Variants in CLECL1 observed in about 807,000 individuals in gnomAD.
CLECL1 encodes the protein C-type lectin-like domain family 1.
chr12:9,718,820 C>G, downstream of CLECL1: 1 of 687,162 alleles, frequency 1.5e-6, no homozygotes, highest in Non-Finnish European at 2.6e-6. Context: ...AACCTGCCAA[C>G]AACCTTGATC....
the CLECL1 span, among the ~76,000 whole-genome samples, chr12:9,703,905 C>A: frequency 1.4e-4 from 21 of 151,952 alleles, no homozygotes; most frequent in Non-Finnish European, 2.8e-4. Flanking sequence ...ACAGTGGAGA[C>A]CTCAACATAT....
chr12:9,716,521 T>C (rs1866240872), exon 3 of CLECL1: 2 of 225,708 alleles, frequency 8.9e-6, no homozygotes, highest in Non-Finnish European at 1.8e-5. Context: ...ATAATTCTAT[T>C]GATTGGTCTT....
At chr12:9,733,671 A>T (rs1866482062), upstream of CLECL1, among the ~76,000 whole-genome samples, 1 of 152,218 alleles carries the variant, frequency 6.6e-6, no homozygotes, top group African/African-American at 2.4e-5. Context: ...ATATTTAAGA[A>T]ACAGAAATAA....
the CLECL1 span, among the ~76,000 whole-genome samples, chr12:9,703,511 C>T: frequency 6.6e-6 from 1 of 152,058 alleles, no homozygotes; most frequent in African/African-American, 2.4e-5. Context: ...CCTCTCACAT[C>T]AGCCTCCCAA....
chr12:9,722,493 C>T (rs1866325492), downstream of CLECL1: 22 of 1,313,858 alleles, frequency 1.7e-5, no homozygotes, highest in Non-Finnish European at 2.1e-5. Flanking sequence ...CAAAGGTAAT[C>T]ATGTAATTCA....
downstream of CLECL1, among the ~76,000 whole-genome samples, chr12:9,719,386 C>T (rs886338341): frequency 2.0e-5 from 3 of 152,064 alleles, no homozygotes; most frequent in South Asian, 2.1e-4. Flanking sequence ...ATTAGCTGGG[C>T]GTGGTGGCGG....
At chr12:9,734,054 G>A (rs1251159928), upstream of CLECL1, among the ~76,000 whole-genome samples, 1 of 152,212 alleles carries the variant, frequency 6.6e-6, no homozygotes, top group Non-Finnish European at 1.5e-5. Context: ...TGTCAGATAT[G>A]AAAAATGGCA....
downstream of CLECL1, among the ~76,000 whole-genome samples, chr12:9,713,695 A>G (rs2121033683): frequency 6.6e-6 from 1 of 152,348 alleles, no homozygotes; most frequent in South Asian, 2.1e-4. Flanking sequence ...ATAGTGATTT[A>G]TATAGTATGC....
intron 2 of CLECL1, chr12:9,716,805 G>A: frequency 8.1e-7 from 1 of 1,234,262 alleles, no homozygotes; most frequent in South Asian, 1.3e-5. Context: ...AGAAAATAAT[G>A]AGATATCATT....
chr12:9,704,034 G>A, the CLECL1 span: 1 of 151,996 alleles, frequency 6.6e-6, no homozygotes, highest in South Asian at 2.1e-4. Flanking sequence ...GTTGAAAGAA[G>A]GAGCTAGAAA....
chr12:9,720,132 C>A (rs572733414), downstream of CLECL1, among the ~76,000 whole-genome samples: 1 of 152,082 alleles, frequency 6.6e-6, no homozygotes, highest in African/African-American at 2.4e-5. Flanking sequence ...TGGATATAGT[C>A]GTTGGTCCAG....
At chr12:9,723,054 A>G (rs1866333912) in intron 3 of CLECL1, among the ~76,000 whole-genome samples, 2 of 152,220 alleles carry the variant, frequency 1.3e-5, no homozygotes, top group South Asian at 2.1e-4. Context: ...AAAATATATC[A>G]TGTTTTCTAT....
upstream of CLECL1, chr12:9,733,441 T>G (rs1245373587): frequency 9.0e-6 from 5 of 553,822 alleles, no homozygotes; most frequent in African/African-American, 1.9e-5. Context: ...CAAAGTAGGA[T>G]AGCTATTTGG....
downstream of CLECL1, among the ~76,000 whole-genome samples, chr12:9,717,750 C>G (rs2121040040): frequency 6.6e-6 from 1 of 152,228 alleles, no homozygotes; most frequent in South Asian, 2.1e-4. Context: ...ATCTATATAT[C>G]TCTCCTTTGA....
intron 3 of CLECL1, among the ~76,000 whole-genome samples, chr12:9,723,943 T>C (rs991154925): frequency 7.9e-5 from 12 of 151,918 alleles, no homozygotes; most frequent in African/African-American, 2.7e-4. Flanking sequence ...ATCCCAACAC[T>C]ATGGGAGGCT....
At chr12:9,709,727 C>A in the CLECL1 span, among the ~76,000 whole-genome samples, 1 of 152,100 alleles carries the variant, frequency 6.6e-6, no homozygotes, top group African/African-American at 2.4e-5. Flanking sequence ...TAAATGGCAT[C>A]CCAATGATGA....
At chr12:9,706,663 G>T in the CLECL1 span, among the ~76,000 whole-genome samples, 1 of 152,108 alleles carries the variant, frequency 6.6e-6, no homozygotes, top group Non-Finnish European at 1.5e-5. Flanking sequence ...ACATTTATTG[G>T]TTGGTGTATG....
downstream of CLECL1, among the ~76,000 whole-genome samples, chr12:9,712,167 G>T (rs887913662): frequency 1.2e-4 from 18 of 152,152 alleles, no homozygotes; most frequent in Non-Finnish European, 2.1e-4. Flanking sequence ...CCCAAACTAA[G>T]CCATTTTCAT....
At chr12:9,708,618 G>A in the CLECL1 span, among the ~76,000 whole-genome samples, 2 of 152,102 alleles carry the variant, frequency 1.3e-5, no homozygotes, top group South Asian at 2.1e-4. Flanking sequence ...ACAGGCCCAG[G>A]GAACTCAAAG....
Sources: allele counts gnomAD v4.1 joint callset (sites outside exome capture counted in the v4.1 genomes callset), GRCh38; gene constraint gnomAD v4.1.1; transcripts MANE v1.5; gene names NCBI Gene and HGNC (gene_info 2026-07-23, HGNC 2026-07-21).